PCDH9: variants seen among roughly 807,000 people sequenced by gnomAD.
The protein encoded by PCDH9 is protocadherin-9.
A neutral mutation model predicts 70.6 loss-of-function variants in PCDH9; 24 were observed. That is an observed-to-expected ratio of 0.34 (90% CI 0.25 to 0.48). PCDH9 has a LOEUF of 0.48. PCDH9 is among the 20% of genes least tolerant of loss of function. The pLI, the probability that PCDH9 is intolerant of heterozygous loss-of-function variation, is 0.99. For synonymous variants in PCDH9, 562 were observed against 558.5 expected, an observed-to-expected ratio of 1.01 and a Z score of -0.09; for missense variants, 1,281 against 1,503.6, an observed-to-expected ratio of 0.85 and a Z score of 2.45.
At chr13:66,452,294 A>C (rs1958230016) in intron 4 of PCDH9, among the ~76,000 whole-genome samples, 1 of 152,134 alleles carries the variant, frequency 6.6e-6, no homozygotes, top group Non-Finnish European at 1.5e-5. Context: ...GATTATATAA[A>C]GGGCACTGCA....
chr13:66,737,861 G>A (rs1172277491), intron 3 of PCDH9, among the ~76,000 whole-genome samples: 5 of 151,954 alleles, frequency 3.3e-5, no homozygotes, highest in African/African-American at 7.3e-5. Context: ...ATGGAATCTC[G>A]TTGATTGCTA....
At chr13:67,051,402 T>C (rs1170929923) in intron 2 of PCDH9, among the ~76,000 whole-genome samples, 1 of 141,168 alleles carries the variant, frequency 7.1e-6, no homozygotes, top group South Asian at 2.4e-4. Flanking sequence ...TTTTTTTTTT[T>C]TTTTTTTTGA....
At chr13:66,328,592 T>C (rs1009087564) in intron 4 of PCDH9, among the ~76,000 whole-genome samples, 2 of 152,214 alleles carry the variant, frequency 1.3e-5, no homozygotes, top group South Asian at 2.1e-4. Flanking sequence ...TTTGTGAGAG[T>C]TGACGTCCGT....
In PCDH9 at chr13:67,226,240, T is replaced by TTACCTG; in HGVS notation, c.2195_2200dup (p.Thr732_Gly733dup). The TTACCTG allele has an allele frequency of 6.2e-7, 1 of 1,614,148 alleles. No homozygotes were observed. Among genetic ancestry groups the TTACCTG allele is most frequent in the Non-Finnish European group, 8.5e-7 (1 of 1,180,006 alleles). ...TGCTGGTTTTTCTTCCAGAGTAATG[T>TTACCTG]TACCTGTTACTGGATCAATCCGGAA... On this transcript the variant is annotated inframe_insertion, in exon 2 of 5. Transcript: ENST00000377865. The surrounding 1 kb of genome is among the most constrained non-coding windows in gnomAD (Gnocchi z 5.0).
At chr13:66,869,126 T>C (rs980011952) in intron 3 of PCDH9, among the ~76,000 whole-genome samples, 2 of 152,164 alleles carry the variant, frequency 1.3e-5, no homozygotes, top group African/African-American at 4.8e-5. Flanking sequence ...TCAGTCATGG[T>C]TCAAGACTGC....
At chr13:67,154,617 CA>C (rs2087760329) in intron 2 of PCDH9, among the ~76,000 whole-genome samples, 1 of 110,446 alleles carries the variant, frequency 9.1e-6, no homozygotes, top group Admixed American at 8.3e-5. Context: ...CACACACACA[CA>C]CACACACACA....
chr13:66,962,579 T>A (rs2083366129), intron 2 of PCDH9, among the ~76,000 whole-genome samples: 1 of 152,230 alleles, frequency 6.6e-6, no homozygotes, highest in South Asian at 2.1e-4. Flanking sequence ...GTTACTGTAG[T>A]AAATACTGGA....
chr13:66,808,233 G>C (rs2080441656), intron 3 of PCDH9, among the ~76,000 whole-genome samples: 1 of 152,084 alleles, frequency 6.6e-6, no homozygotes, highest in Non-Finnish European at 1.5e-5. Flanking sequence ...TGGGTAGTTT[G>C]ATTTCTTTCT....
Position 67,225,343 on chromosome 13 carries a change from T to C in PCDH9, c.3036+62A>G, listed in dbSNP as rs898496590. On this transcript the variant is annotated intron_variant, in intron 2 of 4. Coordinates refer to ENST00000377865, the MANE Select transcript of PCDH9 (RefSeq NM_203487.3). ...CAAAACAATAGACATACTGGCACGT[T>C]AATACTGGTTGACTGGGCACTTGTA... 4 of 1,519,128 alleles carry C rather than the reference T, an allele frequency of 2.6e-6. No homozygotes were observed. The African/African-American group carries it at 5.5e-5, about 21-fold the overall frequency. The allele number at this position is 1,519,128 out of a possible 1,614,324, so 94.1% of individuals were successfully genotyped here.
intron 3 of PCDH9, among the ~76,000 whole-genome samples, chr13:66,816,787 G>C (rs1163834153): frequency 6.6e-6 from 1 of 151,712 alleles, no homozygotes; most frequent in African/African-American, 2.4e-5. Context: ...GGGCGCAGTG[G>C]CATGCACAAT....
chr13:66,601,525 C>T (rs1487102805), intron 4 of PCDH9, among the ~76,000 whole-genome samples: 1 of 146,228 alleles, frequency 6.8e-6, no homozygotes, highest in Non-Finnish European at 1.5e-5. Flanking sequence ...ACTAATCAGG[C>T]CACACATCTA....
intron 4 of PCDH9, among the ~76,000 whole-genome samples, chr13:66,379,229 A>G (rs1006176294): frequency 2.0e-5 from 3 of 152,198 alleles, no homozygotes. Flanking sequence ...GCACATCACA[A>G]GAGGATGTGA....
rs753014669 is a variant in PCDH9, at chr13:67,225,514, C to A, written c.2927G>T (p.Gly976Val). The A allele has an allele frequency of 6.2e-7, 1 of 1,614,050 alleles. No homozygotes were observed. The highest frequency in any genetic ancestry group is 1.7e-5 in the Admixed American group (1 of 60,010). Residue 976 changes from glycine to valine, a missense_variant, in exon 2 of 5, where the codon GGT becomes GTT. Physicochemically the swap from Gly to Val is moderately radical, Grantham distance 109 (BLOSUM62 -3). Coordinates refer to ENST00000377865, the MANE Select transcript of PCDH9 (RefSeq NM_203487.3). ...ELPLDNTFVG[G>V]CDTLSKRSST... ...AGAGCGTTTAGAAAGGGTGTCACAA[C>A]CCCCAACAAAGGTGTTGTCCAAAGG...
chr13:66,523,384 G>T (rs555731743), intron 4 of PCDH9, among the ~76,000 whole-genome samples: 86 of 152,126 alleles, frequency 5.7e-4, no homozygotes, highest in African/African-American at 1.9e-3. Flanking sequence ...TTTGCTCAAA[G>T]TTGAAGTAAA....
chr13:67,223,980 C>T (rs1258653987), intron 2 of PCDH9: 2 of 152,172 alleles, frequency 1.3e-5, no homozygotes, highest in East Asian at 3.9e-4. Context: ...GCCTTAAGTC[C>T]TTCCAGAGCA....
At chr13:66,860,269 T>C (rs938360455) in intron 3 of PCDH9, among the ~76,000 whole-genome samples, 1 of 152,030 alleles carries the variant, frequency 6.6e-6, no homozygotes, top group Admixed American at 6.5e-5. Flanking sequence ...GACCTCACTC[T>C]ACCTAAAGCT....
At chr13:67,131,790 A>T (rs1049214349) in intron 2 of PCDH9, among the ~76,000 whole-genome samples, 8 of 152,208 alleles carry the variant, frequency 5.3e-5, no homozygotes, top group African/African-American at 7.2e-5. Flanking sequence ...TCGGCAGCAC[A>T]TCGTGGACTT....
intron 4 of PCDH9, among the ~76,000 whole-genome samples, chr13:66,625,425 T>C (rs1297984792): frequency 6.6e-6 from 1 of 152,204 alleles, no homozygotes; most frequent in Non-Finnish European, 1.5e-5. Flanking sequence ...AGGGAAGTTC[T>C]TCACATATGT....
intron 4 of PCDH9, among the ~76,000 whole-genome samples, chr13:66,559,298 CCTT>C (rs35876593): frequency 0.26 from 39,241 of 151,918 alleles, 5,287 homozygotes; most frequent in South Asian, 0.34. Context: ...TTCCTGAACT[CCTT>C]CTTTCCTATG....
Sources: gnomAD v4.1 joint callset for allele counts (sites outside exome capture counted in the v4.1 genomes callset) on GRCh38, gnomAD v4.1.1 for gene constraint, Gnocchi (gnomAD v3.1) non-coding constraint, MANE v1.5 for transcripts, NCBI Gene and HGNC (gene_info 2026-07-23, HGNC 2026-07-21) for gene names.